CCDC69: variants seen among roughly 807,000 people sequenced by gnomAD.
The protein encoded by CCDC69 is coiled-coil domain-containing protein 69.
A neutral mutation model predicts 40.3 loss-of-function variants in CCDC69; 38 were observed. That is an observed-to-expected ratio of 0.94 (90% CI 0.73 to 1.24). The LOEUF (loss-of-function observed/expected upper bound fraction) is 1.24. CCDC69 is among the 50% of genes most tolerant of loss of function. The pLI is 0.00. For missense variants in CCDC69, 389 were observed against 357.9 expected (o/e 1.09, Z -0.70); for synonymous variants, 141 against 138.9 (o/e 1.02, Z -0.11).
intron 4 of CCDC69, among the ~76,000 whole-genome samples, chr5:151,196,227 C>A (rs759402505): frequency 1.3e-5 from 2 of 152,192 alleles, no homozygotes; most frequent in East Asian, 3.8e-4. Flanking sequence ...TCTTGGCTCA[C>A]TGCAACCTCT....
chr5:151,202,775 C>G (rs766345445), intron 2 of CCDC69, among the ~76,000 whole-genome samples: 2 of 152,150 alleles, frequency 1.3e-5, no homozygotes, highest in Non-Finnish European at 2.9e-5. Context: ...CCTGCCAATG[C>G]CACACTGAGT....
Position 151,191,443 on chromosome 5 carries a change from G to A in CCDC69, c.320-3984C>T, listed in dbSNP as rs535924349. On this transcript the variant is annotated intron_variant, in intron 4 of 8. Coordinates refer to ENST00000355417, the MANE Select transcript of CCDC69 (RefSeq NM_015621.3). Reference sequence around the variant, plus strand: ...ATACACATTCCTTTCAAGTATACATGAAACAAGATCGACCATACCCTGAGT... The same window carrying A: ...ATACACATTCCTTTCAAGTATACATAAAACAAGATCGACCATACCCTGAGT... 2.0e-5 allele frequency among the ~76,000 whole-genome samples: 3 copies of A among 152,246 alleles called. No individual in the cohort carries two copies. The East Asian group carries it at 5.8e-4, about 29-fold the overall frequency.
rs757885427 is a variant in CCDC69 at position 151,185,440 on chromosome 5, C to T, written c.597G>A (p.Leu199=). 60 of 1,613,938 alleles carry T rather than the reference C, an allele frequency of 3.7e-5. No individual in the cohort carries two copies. Among genetic ancestry groups the T allele is most frequent in the Non-Finnish European group, 4.8e-5 (57 of 1,179,930 alleles). Residue 199 remains leucine (L), a synonymous_variant, in exon 7 of 9, where the codon CTG becomes CTA. Coordinates refer to ENST00000355417, the MANE Select transcript of CCDC69 (RefSeq NM_015621.3). The part of the protein sequence containing the change: ...NERIHELDRR[L]ILMETVKEKN... ...CACAGACCACTGTTTCCATGAGGAT[C>T]AGCCGCCTGTCCAGCTCATGAATAC...
chr5:151,182,691 G>A lies in CCDC69; in HGVS notation c.*746C>T, dbSNP rs1166391768. 7.3e-5 allele frequency: 20 copies of A among 273,508 alleles called. No homozygotes were observed. The highest frequency in any genetic ancestry group is 5.1e-5 in the Non-Finnish European group (7 of 137,672). 16.9% of individuals were successfully genotyped at this position (273,508 alleles called of 1,614,324 possible). On this transcript the variant is annotated 3_prime_UTR_variant, in exon 9 of 9. Transcript: ENST00000355417. ...TGCCCAGGTGGCACCAAGACTGAAG[G>A]GCCAGGAGGGCTGAGGGGATGCACC... is the stretch of plus-strand genomic sequence containing the variant.
intron 2 of CCDC69, among the ~76,000 whole-genome samples, chr5:151,204,148 G>C (rs980816796): frequency 3.3e-5 from 5 of 151,770 alleles, no homozygotes; most frequent in Non-Finnish European, 5.9e-5. Flanking sequence ...TCCCTCTTCA[G>C]CTTCCCAAGT....
chr5:151,199,106 C>G (rs745797142), intron 3 of CCDC69, 22 bp from the exon 4 acceptor site: 1 of 1,596,424 alleles, frequency 6.3e-7, no homozygotes, highest in South Asian at 1.1e-5. Context: ...GAGTCCCGGG[C>G]AGGACTGAGA....
intron 1 of CCDC69, among the ~76,000 whole-genome samples, chr5:151,214,439 A>ACAGAACAC (rs1753004734): frequency 6.6e-6 from 1 of 152,186 alleles, no homozygotes; most frequent in African/African-American, 2.4e-5. Flanking sequence ...AGAAGCTCAG[A>ACAGAACAC]CAGAACACCA....
chr5:151,208,732 T>C (rs928142939), intron 1 of CCDC69, among the ~76,000 whole-genome samples: 7 of 152,262 alleles, frequency 4.6e-5, no homozygotes, highest in African/African-American at 1.7e-4. Flanking sequence ...TCTTCCTTGT[T>C]GCCACGACTG....
intron 4 of CCDC69, among the ~76,000 whole-genome samples, chr5:151,189,969 A>C (rs182391588): frequency 1.6e-4 from 25 of 152,348 alleles, no homozygotes; most frequent in Admixed American, 4.6e-4. Context: ...CCATAACAAA[A>C]AGCCCAGAAT....
intron 4 of CCDC69, among the ~76,000 whole-genome samples, chr5:151,188,645 G>A (rs1269109079): frequency 3.3e-5 from 5 of 150,982 alleles, no homozygotes; most frequent in Non-Finnish European, 7.4e-5. Flanking sequence ...ATATAACTGT[G>A]GTAGAGTAGT....
Position 151,183,483 on chromosome 5 carries a change from G to A in CCDC69, c.845C>T (p.Pro282Leu), listed in dbSNP as rs1429661028. 7 of 1,606,922 alleles carry A rather than the reference G, an allele frequency of 4.4e-6. No homozygotes were observed. The highest frequency in any genetic ancestry group is 5.9e-6 in the Non-Finnish European group (7 of 1,177,634). Reference sequence around the variant, plus strand: ...CTCAGTGGGAGTGACAGGGGCCAGAGGGAAGGCAGGCGAGGCATTGGCCCC... The same window carrying A: ...CTCAGTGGGAGTGACAGGGGCCAGAAGGAAGGCAGGCGAGGCATTGGCCCC... ...VLGANASPAF[P>L]LAPVTPTEVS... Residue 282 changes from proline to leucine, a missense_variant, in exon 9 of 9, where the codon CCT becomes CTT. Physicochemically the swap from Pro to Leu is moderately conservative, Grantham distance 98. Transcript: ENST00000355417.
At chr5:151,221,902 T>C (rs1353092907) in intron 1 of CCDC69, among the ~76,000 whole-genome samples, 2 of 152,098 alleles carry the variant, frequency 1.3e-5, no homozygotes, top group Non-Finnish European at 2.9e-5. Context: ...GGCACCTGGG[T>C]GAGAAATTGG....
At chr5:151,184,320 T>C in intron 8 of CCDC69, 24 bp downstream of exon 8, 1 of 1,584,474 alleles carries the variant, frequency 6.3e-7, no homozygotes, top group South Asian at 1.1e-5. Flanking sequence ...GGGATGGGAG[T>C]AAAGGAGGCA....
At chr5:151,194,891 CAAAAAA>C (rs59836328) in intron 4 of CCDC69, among the ~76,000 whole-genome samples, 1 of 92,332 alleles carries the variant, frequency 1.1e-5, no homozygotes, top group Admixed American at 1.3e-4. Context: ...GCCTCCATCT[CAAAAAA>C]AAAAAAAAAA....
intron 4 of CCDC69, among the ~76,000 whole-genome samples, chr5:151,194,204 T>C (rs1321484522): frequency 6.6e-6 from 1 of 152,218 alleles, no homozygotes; most frequent in African/African-American, 2.4e-5. Context: ...CTCCTGTGTA[T>C]TCACCCAAGA....
In CCDC69 at chr5:151,216,385, C is replaced by T. The variant is rs1029109301; in HGVS notation, c.48+7538G>A. The stretch of plus-strand genomic sequence containing the variant: ...TCAAGGAAGGGTAGCTTCCATTTTA[C>T]ATTTTACCTAAATTATTAGGATTTT... On this transcript the variant is annotated intron_variant, in intron 1 of 8. Coordinates refer to ENST00000355417, the MANE Select transcript of CCDC69 (RefSeq NM_015621.3). Among the ~76,000 whole-genome samples the T allele has an allele frequency of 6.4e-5, 8 of 124,268 alleles. No homozygotes were observed. In the East Asian group the frequency reaches 1.7e-3, roughly 26 times the overall value. 81.5% of individuals were successfully genotyped at this position (124,268 alleles called of 152,430 possible).
rs1027547198 is a variant in CCDC69 at position 151,184,410 on chromosome 5, AT to A, written c.646del (p.Ile216LeufsTer192). The A allele has an allele frequency of 6.2e-7, 1 of 1,613,908 alleles. No individual in the cohort carries two copies. Among genetic ancestry groups the A allele is most frequent in the Non-Finnish European group, 8.5e-7 (1 of 1,179,902 alleles). The stretch of plus-strand genomic sequence containing the variant: ...CTCATTTTCCTGTTGCAGGGTCGTA[AT>A]TTTTTCCTCCAATATCAGATTTTTC... Reference protein sequence around the residue: ...KEKNLILEEKITTLQQENEDL... With the variant: ...KEKNLILEEKXTTLQQENEDL... On this transcript the variant is annotated frameshift_variant, in exon 8 of 9. Transcript: ENST00000355417. LOFTEE classifies it high-confidence loss of function.
At chr5:151,192,087 G>GAAAAAAAAAAAAAAAAAAAAAAAAAAAAA (rs34310340) in intron 4 of CCDC69, among the ~76,000 whole-genome samples, 1 of 38,802 alleles carries the variant, frequency 2.6e-5, no homozygotes, top group Non-Finnish European at 4.2e-5. Context: ...CCTGTCTCAG[G>GAAAAAAAAAAAAAAAAAAAAAAAAAAAAA]AAAAAAAAAA....
intron 4 of CCDC69, among the ~76,000 whole-genome samples, chr5:151,196,408 C>T (rs900054309): frequency 6.6e-6 from 1 of 152,256 alleles, no homozygotes; most frequent in East Asian, 1.9e-4. Flanking sequence ...ACACCCGCCT[C>T]GGCCTCCCAA....
Sources: gnomAD v4.1 joint callset for allele counts (sites outside exome capture counted in the v4.1 genomes callset) on GRCh38, gnomAD v4.1.1 for gene constraint, MANE v1.5 for transcripts, NCBI Gene and HGNC (gene_info 2026-07-23, HGNC 2026-07-21) for gene names.